GPR155: variants seen among roughly 807,000 people sequenced by gnomAD.
GPR155 encodes the protein lysosomal cholesterol signaling protein.
A neutral mutation model predicts 93.1 loss-of-function variants in GPR155; 65 were observed. The observed-to-expected ratio is 0.70, with a 90% CI of 0.57 to 0.86. GPR155 has a LOEUF of 0.86. GPR155 is among the 40% of genes least tolerant of loss of function. GPR155 has a pLI of 0.00. For missense variants in GPR155, 838 were observed against 1,034.8 expected (o/e 0.81, Z 2.61); for synonymous variants, 319 against 360.1 (o/e 0.89, Z 1.29).
chr2:174,478,733 A>C (rs1450413654), intron 2 of GPR155, among the ~76,000 whole-genome samples: 1 of 152,148 alleles, frequency 6.6e-6, no homozygotes, highest in Admixed American at 6.5e-5. Flanking sequence ...GCAGTCTTAA[A>C]AAGGACATTT....
At chr2:174,439,598 G>C (rs931181622) in intron 15 of GPR155, among the ~76,000 whole-genome samples, 1 of 152,230 alleles carries the variant, frequency 6.6e-6, no homozygotes, top group East Asian at 1.9e-4. Flanking sequence ...TGGCCAACTT[G>C]AAATCAGTGT....
At chr2:174,463,273 A>G (rs373262015) in intron 7 of GPR155, among the ~76,000 whole-genome samples, 3 of 152,174 alleles carry the variant, frequency 2.0e-5, no homozygotes, top group East Asian at 3.9e-4. Flanking sequence ...GTACAGTAGC[A>G]CAATTACTGC....
Position 174,486,045 on chromosome 2 carries a change from A to C in GPR155, c.-32+828T>G, listed in dbSNP as rs143321037. 2.0e-3 allele frequency among the ~76,000 whole-genome samples: 301 copies of C among 152,354 alleles called. 1 individual carries two copies. The highest frequency in any genetic ancestry group is 6.6e-3 in the African/African-American group (275 of 41,584). ...GGGAAGGCGAGGGTTGACTAACTTC[A>C]TAGAGAAAGCTTTAAACTCTCAGGC... On this transcript the variant is annotated intron_variant, in intron 1 of 15. Coordinates refer to ENST00000392552, the MANE Select transcript of GPR155 (RefSeq NM_152529.7).
chr2:174,485,716 A>G (rs1278855225), intron 1 of GPR155, among the ~76,000 whole-genome samples: 1 of 152,198 alleles, frequency 6.6e-6, no homozygotes, highest in Non-Finnish European at 1.5e-5. Flanking sequence ...TGACTTTAAA[A>G]GTTTCATTTC....
Position 174,432,392 on chromosome 2 carries a change from C to G in GPR155, c.*3724G>C, listed in dbSNP as rs532502224. ...ATCTGAAACTGCAGATCATTCTGAT[C>G]CAGGGTTTTCTTTTAGGGTCTCCCA... On this transcript the variant is annotated 3_prime_UTR_variant, in exon 16 of 16. Transcript: ENST00000392552. 6.6e-6 allele frequency: 1 copy of G among 152,652 alleles called. No homozygotes were observed. The highest frequency in any genetic ancestry group is 1.9e-4 in the East Asian group (1 of 5,188). The allele number at this position is 152,652 out of a possible 1,614,324, so 9.5% of individuals were successfully genotyped here.
At chr2:174,478,618 C>T (rs929102134) in intron 2 of GPR155, among the ~76,000 whole-genome samples, 1 of 152,014 alleles carries the variant, frequency 6.6e-6, no homozygotes, top group South Asian at 2.1e-4. Context: ...TAGTATGTAG[C>T]GAAAGAAAAC....
intron 13 of GPR155, among the ~76,000 whole-genome samples, chr2:174,442,747 C>T (rs10930670): frequency 0.49 from 74,275 of 151,952 alleles, 20,444 homozygotes; most frequent in East Asian, 0.73. Flanking sequence ...GAGCTGCCAT[C>T]TGTGTCACAC....
At chr2:174,478,596 T>C (rs1468603295) in intron 2 of GPR155, among the ~76,000 whole-genome samples, 2 of 152,186 alleles carry the variant, frequency 1.3e-5, no homozygotes, top group African/African-American at 4.8e-5. Flanking sequence ...TCATAGACTG[T>C]TATAGTTGTC....
chr2:174,484,583 GTTAC>G (rs1688420057), intron 1 of GPR155, among the ~76,000 whole-genome samples: 1 of 152,224 alleles, frequency 6.6e-6, no homozygotes, highest in African/African-American at 2.4e-5. Flanking sequence ...CAACTCATAA[GTTAC>G]TTAGTCTTTC....
chr2:174,468,980 G>T lies in GPR155; in HGVS notation c.1114C>A (p.Pro372Thr), dbSNP rs777649014. ...AWLLTFPTMDPKPLAYAIQNV... is the reference protein window; with the variant it reads ...AWLLTFPTMDTKPLAYAIQNV... ...TGGATGGCATATGCCAATGGCTTAG[G>T]GTCCATAGTGGGAAAGGTCAGTAAC... is the stretch of plus-strand genomic sequence containing the variant. Residue 372 changes from proline to threonine, a missense_variant, in exon 5 of 16, where the codon CCT becomes ACT. Physicochemically the swap from Pro to Thr is conservative, Grantham distance 38 (BLOSUM62 -1). Coordinates refer to ENST00000392552, the MANE Select transcript of GPR155 (RefSeq NM_152529.7). The T allele has an allele frequency of 1.9e-6, 3 of 1,613,880 alleles. No individual in the cohort carries two copies. The highest frequency in any genetic ancestry group is 2.5e-6 in the Non-Finnish European group (3 of 1,179,808).
chr2:174,446,351 C>T lies in GPR155; in HGVS notation c.2013+260G>A, dbSNP rs1687130761. ...AATAAAAAGAAATAGCTGCTTTTAC[C>T]AAATTCTAGGTTCAGAGCATAGAAT... On this transcript the variant is annotated intron_variant, in intron 12 of 15. Coordinates refer to ENST00000392552, the MANE Select transcript of GPR155 (RefSeq NM_152529.7). 2.7e-5 allele frequency among the ~76,000 whole-genome samples: 4 copies of T among 147,152 alleles called. No homozygotes were observed. The South Asian group carries it at 8.7e-4, about 32-fold the overall frequency.
intron 2 of GPR155, among the ~76,000 whole-genome samples, chr2:174,477,703 G>A (rs1688207141): frequency 6.6e-6 from 1 of 152,036 alleles, no homozygotes; most frequent in African/African-American, 2.4e-5. Context: ...AAATATACAT[G>A]AAAGCAGTAC....
intron 5 of GPR155, 27 bp downstream of exon 5, chr2:174,468,885 A>C (rs554824389): frequency 6.3e-7 from 1 of 1,587,032 alleles, no homozygotes; most frequent in Non-Finnish European, 8.6e-7. Flanking sequence ...TGTGGTTTCC[A>C]TTCATTTTGG....
chr2:174,484,645 T>G (rs1239129236), intron 1 of GPR155, among the ~76,000 whole-genome samples: 1 of 152,212 alleles, frequency 6.6e-6, no homozygotes, highest in Non-Finnish European at 1.5e-5. Context: ...AACCTCCCTA[T>G]AGGGATCAGT....
chr2:174,439,773 A>G (rs1336635795), intron 15 of GPR155, 125 bp downstream of exon 15: 11 of 726,160 alleles, frequency 1.5e-5, no homozygotes, highest in Non-Finnish European at 2.3e-5. Flanking sequence ...TAACTTTTAC[A>G]TGCATATGTA....
At chr2:174,477,282 T>C (rs1397127521) in intron 2 of GPR155, among the ~76,000 whole-genome samples, 1 of 152,166 alleles carries the variant, frequency 6.6e-6, no homozygotes, top group Non-Finnish European at 1.5e-5. Flanking sequence ...AAAATATGCA[T>C]AATCTCACAT....
intron 11 of GPR155, among the ~76,000 whole-genome samples, chr2:174,451,118 T>C (rs934493513): frequency 7.2e-5 from 11 of 152,142 alleles, no homozygotes; most frequent in African/African-American, 2.7e-4. Flanking sequence ...GACACCAGCC[T>C]GGCCAACATG....
At chr2:174,467,805 G>A (rs139107231) in intron 5 of GPR155, among the ~76,000 whole-genome samples, 4 of 151,590 alleles carry the variant, frequency 2.6e-5, no homozygotes, top group African/African-American at 4.8e-5. Flanking sequence ...GTGCGATCTC[G>A]GCTCACTGAA....
chr2:174,471,111 G>A (rs369776831), intron 3 of GPR155, among the ~76,000 whole-genome samples: 1 of 151,812 alleles, frequency 6.6e-6, no homozygotes, highest in Non-Finnish European at 1.5e-5. Context: ...AAATCCTGCC[G>A]GCATGGTGGC....
Sources: gnomAD v4.1 joint callset for allele counts (sites outside exome capture counted in the v4.1 genomes callset) on GRCh38, gnomAD v4.1.1 for gene constraint, MANE v1.5 for transcripts, NCBI Gene and HGNC (gene_info 2026-07-23, HGNC 2026-07-21) for gene names.